Variants in ZNF536 observed in about 807,000 individuals in gnomAD.
ZNF536 encodes the protein zinc finger protein 536.
ZNF536 carries 13 observed loss-of-function variants against 84.5 expected under a neutral mutation model. The ratio of observed to expected loss-of-function variants is 0.15; its 90% CI spans 0.10 to 0.24. ZNF536 has a LOEUF of 0.24. Ranked by LOEUF, ZNF536 falls within the 10% of genes least tolerant of loss-of-function variation. The probability of loss-of-function intolerance (pLI) is 1.00; values close to 1 mark genes in which losing one functional copy is unlikely to be tolerated. For missense variants in ZNF536, 1,536 were observed against 1,747.5 expected (o/e 0.88, Z 2.16); for synonymous variants, 811 against 742.5 (o/e 1.09, Z -1.50).
intron 2 of ZNF536, among the ~76,000 whole-genome samples, chr19:30,510,584 G>A (rs2055368000): frequency 6.6e-6 from 1 of 152,202 alleles, no homozygotes; most frequent in African/African-American, 2.4e-5. Flanking sequence ...ACAGAGACGC[G>A]GGGATCGCTG....
At position 30,289,349 on chromosome 19, in the gene ZNF536, C is replaced by T. The variant is rs117566750; in HGVS notation, c.-120+5208C>T. ...TAAATTACATGTGTAATTGTACCAT[C>T]GTAACCACTGCTAGTCAGCGACAAC... is the stretch of plus-strand genomic sequence containing the variant. On this transcript the variant is annotated intron_variant, in intron 2 of 5. Transcript: ENST00000585628. Among the ~76,000 whole-genome samples the T allele has an allele frequency of 3.3e-5, 5 of 152,342 alleles. No homozygotes were observed. The East Asian group carries it at 5.8e-4, about 18-fold the overall frequency.
intron 2 of ZNF536, among the ~76,000 whole-genome samples, chr19:30,450,997 G>A (rs1196586648): frequency 6.6e-6 from 1 of 152,272 alleles, no homozygotes; most frequent in Non-Finnish European, 1.5e-5. Flanking sequence ...GTGTGCAGGC[G>A]GCCGCCGTGT....
intron 1 of ZNF536, among the ~76,000 whole-genome samples, chr19:30,638,561 C>T (rs556923536): frequency 1.5e-3 from 227 of 152,262 alleles, no homozygotes; most frequent in African/African-American, 4.8e-3. Context: ...AGAACATTAC[C>T]AAGGCAGGTA....
chr19:30,430,223 A>T (rs946315674), intron 1 of ZNF536, among the ~76,000 whole-genome samples: 1 of 152,222 alleles, frequency 6.6e-6, no homozygotes, highest in Non-Finnish European at 1.5e-5. Flanking sequence ...CTTTCTCCCC[A>T]AGGATAGATG....
intron 1 of ZNF536, among the ~76,000 whole-genome samples, chr19:30,414,945 G>A (rs1022064647): frequency 1.3e-5 from 2 of 152,160 alleles, no homozygotes; most frequent in Non-Finnish European, 2.9e-5. Flanking sequence ...AATATCCAGT[G>A]TTGTCATTGA....
intron 1 of ZNF536, among the ~76,000 whole-genome samples, chr19:30,632,163 T>A (rs2048910106): frequency 6.6e-6 from 1 of 152,196 alleles, no homozygotes; most frequent in Non-Finnish European, 1.5e-5. Context: ...CTCTTTGGGT[T>A]TGGGTTTTAG....
chr19:30,385,359 G>T (rs1261788317), intron 1 of ZNF536, among the ~76,000 whole-genome samples: 1 of 152,176 alleles, frequency 6.6e-6, no homozygotes, highest in African/African-American at 2.4e-5. Context: ...CCTGGGGCCT[G>T]GGTGCCCTGG....
At chr19:30,262,446 A>G (rs2025276676) in intron 1 of ZNF536, among the ~76,000 whole-genome samples, 1 of 152,230 alleles carries the variant, frequency 6.6e-6, no homozygotes, top group South Asian at 2.1e-4. Flanking sequence ...TTGGTGCCTG[A>G]TGGCAGTCTT....
intron 1 of ZNF536, among the ~76,000 whole-genome samples, chr19:30,393,714 G>A (rs2049694592): frequency 6.6e-6 from 1 of 152,208 alleles, no homozygotes. Flanking sequence ...GATGAAGGCT[G>A]AAAGGTGGGC....
intron 2 of ZNF536, among the ~76,000 whole-genome samples, chr19:30,491,553 C>T (rs1307816403): frequency 1.3e-5 from 2 of 152,236 alleles, no homozygotes; most frequent in Admixed American, 6.5e-5. Context: ...TCTGTGTCCC[C>T]TGCCCTCCCC....
chr19:30,431,662 G>A (rs1343645234), intron 1 of ZNF536, among the ~76,000 whole-genome samples: 17 of 152,248 alleles, frequency 1.1e-4, no homozygotes, highest in Admixed American at 1.1e-3. Flanking sequence ...TAGTCCACAA[G>A]TGCTCAAATG....
chr19:30,364,529 A>G (rs1267631303), intron 3 of ZNF536, among the ~76,000 whole-genome samples: 2 of 152,196 alleles, frequency 1.3e-5, no homozygotes, highest in Non-Finnish European at 2.9e-5. Context: ...AAAAATAAAA[A>G]TAAAAGAGAA....
At chr19:30,472,724 C>T (rs2053687741) in intron 2 of ZNF536, among the ~76,000 whole-genome samples, 1 of 152,156 alleles carries the variant, frequency 6.6e-6, no homozygotes, top group Non-Finnish European at 1.5e-5. Flanking sequence ...ATATCTTTCT[C>T]CTGCTCTTGG....
rs202196719 is a variant in ZNF536 at position 30,239,544 on chromosome 19, CTTG to C, written c.-190+10876_-190+10878del. On this transcript the variant is annotated intron_variant, in intron 1 of 5. Coordinates refer to the ZNF536 transcript ENST00000585628. ...AATCGACAGTCATGAGACAGACACA[CTTG>C]TTGTAGTTGCAAAGATTCTACCATA... Among the ~76,000 whole-genome samples the C allele has an allele frequency of 4.7e-4, 71 of 152,326 alleles. No individual in the cohort carries two copies. In the East Asian group the frequency reaches 0.012, roughly 26 times the overall value.
intron 1 of ZNF536, among the ~76,000 whole-genome samples, chr19:30,581,408 T>A (rs996730362): frequency 6.6e-6 from 1 of 151,346 alleles, no homozygotes; most frequent in Non-Finnish European, 1.5e-5. Context: ...ACCCGGGAGG[T>A]CGAGGTTGCA....
chr19:30,615,501 C>T (rs1219543039), intron 1 of ZNF536, among the ~76,000 whole-genome samples: 1 of 151,994 alleles, frequency 6.6e-6, no homozygotes, highest in African/African-American at 2.4e-5. Flanking sequence ...TTTTTCTGCA[C>T]CTGTTTCAAA....
chr19:30,309,375 T>C (rs920055113), intron 2 of ZNF536, among the ~76,000 whole-genome samples: 3 of 152,206 alleles, frequency 2.0e-5, no homozygotes, highest in Non-Finnish European at 2.9e-5. Context: ...ATTTTGTTAG[T>C]ATGTAGGTCA....
chr19:30,232,121 C>T (rs551089152), intron 1 of ZNF536, among the ~76,000 whole-genome samples: 7 of 151,886 alleles, frequency 4.6e-5, no homozygotes, highest in South Asian at 2.1e-4. Flanking sequence ...GTGGGCTGTG[C>T]GGGAAGCCAT....
chr19:30,525,800 A>G (rs2044549571), intron 2 of ZNF536, among the ~76,000 whole-genome samples: 1 of 152,214 alleles, frequency 6.6e-6, no homozygotes. Flanking sequence ...AGAGGAGAAC[A>G]GAAAGTTGGG....
Sources: gnomAD v4.1 joint callset for allele counts (sites outside exome capture counted in the v4.1 genomes callset) on GRCh38, gnomAD v4.1.1 for gene constraint, MANE v1.5 for transcripts, NCBI Gene and HGNC (gene_info 2026-07-23, HGNC 2026-07-21) for gene names.